The following FRMD4A variants were observed in gnomAD, a reference collection of about 807,000 sequenced individuals.
FRMD4A encodes the protein FERM domain containing 4A, also known as FERM domain-containing protein 4A.
In FRMD4A, 29 loss-of-function variants were observed where a neutral mutation model predicts 129.1. The observed-to-expected ratio is 0.22, with a 90% CI of 0.17 to 0.31. The LOEUF is 0.31. Among genes scored for constraint, FRMD4A ranks in the 10% least tolerant of loss-of-function variants. FRMD4A has a pLI of 1.00. For missense variants in FRMD4A, 1,272 were observed against 1,375.8 expected (o/e 0.92, Z 1.19); for synonymous variants, 634 against 571.6 (o/e 1.11, Z -1.56).
rs186624939 is a variant in FRMD4A at position 13,797,496 on chromosome 10, C to G, written c.207-908G>C. ...GGGAGGACCCCAGCGTCTTAGTGTC[C>G]TGTGAGTGGAAAGCCATGAGGCTAG... On this transcript the variant is annotated intron_variant, in intron 4 of 24. Transcript: ENST00000357447. 7.7e-3 allele frequency among the ~76,000 whole-genome samples: 1,166 copies of G among 152,236 alleles called. 14 individuals are homozygous for G. Among genetic ancestry groups the G allele is most frequent in the African/African-American group, 0.026 (1,088 of 41,532 alleles).
chr10:14,260,219 G>A (rs1262986574), intron 2 of FRMD4A, among the ~76,000 whole-genome samples: 1 of 152,144 alleles, frequency 6.6e-6, no homozygotes, highest in African/African-American at 2.4e-5. Flanking sequence ...TACAACCGCT[G>A]CATTCTCTCC....
In FRMD4A at chr10:13,657,195, C is replaced by G. The variant is rs565808375; in HGVS notation, c.2394G>C (p.Ser798=). The change falls in exon 22 of 25, where the codon TCG becomes TCC. Residue 798 remains serine (S), a synonymous_variant. Transcript: ENST00000357447. ...GCGCCGCCAGGTTGGGCATGCTGCC[C>G]GAGCTGGCTGAGCCCAGTGCGCCCG... The part of the protein sequence containing the change: ...RAAGALGSAS[S]GSMPNLAARG... 414 of 1,523,994 alleles carry G rather than the reference C, an allele frequency of 2.7e-4. 6 individuals are homozygous for G. In the East Asian group the frequency reaches 0.01, roughly 38 times the overall value. The allele number at this position is 1,523,994 out of a possible 1,614,324, so 94.4% of individuals were successfully genotyped here. A position where few individuals can be genotyped will look rare whatever the true frequency, so the allele number is the denominator to read the frequency against.
intron 2 of FRMD4A, among the ~76,000 whole-genome samples, chr10:14,035,985 T>C (rs1260217063): frequency 6.7e-6 from 1 of 148,518 alleles, no homozygotes; most frequent in Admixed American, 6.8e-5. Context: ...GAGGTTGCAG[T>C]GAGCCGACAT....
At chr10:14,190,444 TC>T (rs1842282598) in intron 2 of FRMD4A, among the ~76,000 whole-genome samples, 1 of 152,200 alleles carries the variant, frequency 6.6e-6, no homozygotes, top group East Asian at 1.9e-4. Flanking sequence ...CCATCATAGC[TC>T]ACTGCAGCCT....
chr10:13,894,038 C>T (rs1352008633), intron 2 of FRMD4A, among the ~76,000 whole-genome samples: 2 of 152,146 alleles, frequency 1.3e-5, no homozygotes, highest in African/African-American at 4.8e-5. Context: ...GCTCATTTCC[C>T]TCCCTCCTTT....
At chr10:13,732,754 C>T (rs550892231) in intron 12 of FRMD4A, among the ~76,000 whole-genome samples, 1 of 152,318 alleles carries the variant, frequency 6.6e-6, no homozygotes, top group Admixed American at 6.5e-5. Flanking sequence ...CCCTGGAGTG[C>T]CACCCCTCCC....
At chr10:14,070,806 G>A (rs1435679403) in intron 2 of FRMD4A, among the ~76,000 whole-genome samples, 2 of 152,172 alleles carry the variant, frequency 1.3e-5, no homozygotes, top group African/African-American at 4.8e-5. Context: ...TGCAAACACT[G>A]TTCATACTGA....
chr10:13,690,733 T>A lies in FRMD4A; in HGVS notation c.1117+3165A>T, dbSNP rs551572013. 3.3e-5 allele frequency among the ~76,000 whole-genome samples: 5 copies of A among 152,342 alleles called. No individual in the cohort carries two copies. The East Asian group carries it at 9.7e-4, about 29-fold the overall frequency. On this transcript the variant is annotated intron_variant, in intron 15 of 24. Transcript: ENST00000357447. ...CTGAAGCTGACAATGGGAGCCGCTC[T>A]GCAAGTGGCCCCAGCTGCTACTACT...
rs560754206 is a variant in FRMD4A, at chr10:14,313,137, G to A, written c.45+16921C>T. 3.3e-5 allele frequency among the ~76,000 whole-genome samples: 5 copies of A among 151,918 alleles called. No individual in the cohort carries two copies. In the East Asian group the frequency reaches 9.8e-4, roughly 30 times the overall value. ...GGAGGCTGACATGGTAGAACCACTT[G>A]AGCCCAGGAGTTCCTGACCAGCTTG... On this transcript the variant is annotated intron_variant, in intron 2 of 24. Coordinates refer to ENST00000357447, the MANE Select transcript of FRMD4A (RefSeq NM_018027.5).
At chr10:13,871,275 T>C (rs972206772) in intron 2 of FRMD4A, 1 of 154,396 alleles carries the variant, frequency 6.5e-6, no homozygotes, top group African/African-American at 2.4e-5. Flanking sequence ...TATACACAAA[T>C]GCACGGGGCT....
intron 3 of FRMD4A, among the ~76,000 whole-genome samples, chr10:13,841,240 G>A (rs982842344): frequency 2.0e-5 from 3 of 152,178 alleles, no homozygotes; most frequent in Admixed American, 6.5e-5. Context: ...CTGGATGCCT[G>A]CACCATTAGC....
chr10:14,169,320 T>C (rs953537065), intron 2 of FRMD4A, among the ~76,000 whole-genome samples: 2 of 152,126 alleles, frequency 1.3e-5, no homozygotes, highest in African/African-American at 4.8e-5. Context: ...TTATTTACCA[T>C]CCCTAGTGTA....
chr10:13,825,018 A>C (rs2093681187), intron 3 of FRMD4A, among the ~76,000 whole-genome samples: 1 of 152,090 alleles, frequency 6.6e-6, no homozygotes, highest in African/African-American at 2.4e-5. Context: ...CCTGGGGGAC[A>C]CTTTCCAAGA....
In FRMD4A at chr10:13,659,308, G is replaced by A; in HGVS notation, c.2066+15C>T. 2 of 1,611,168 alleles carry A rather than the reference G, an allele frequency of 1.2e-6. No homozygotes were observed. Among genetic ancestry groups the A allele is most frequent in the Non-Finnish European group, 1.7e-6 (2 of 1,177,226 alleles). On this transcript the variant is annotated intron_variant, in intron 21 of 24. Transcript: ENST00000357447. ...AGGAAGGCTTGGTCTGAGCAGGAAGGCCAGGCAGACTCACCTCGTGGAATG... is the reference window on the plus strand; with the variant it reads ...AGGAAGGCTTGGTCTGAGCAGGAAGACCAGGCAGACTCACCTCGTGGAATG...
chr10:13,898,901 A>T (rs1472939436), intron 2 of FRMD4A, among the ~76,000 whole-genome samples: 3 of 152,042 alleles, frequency 2.0e-5, no homozygotes, highest in African/African-American at 4.8e-5. Flanking sequence ...TGAGCCTGGG[A>T]GCTGGGCACA....
At chr10:14,102,088 A>G (rs1837335767) in intron 2 of FRMD4A, among the ~76,000 whole-genome samples, 1 of 152,186 alleles carries the variant, frequency 6.6e-6, no homozygotes, top group African/African-American at 2.4e-5. Context: ...GATGCAAAGG[A>G]GCTCAGAAAA....
At chr10:13,905,811 G>A (rs939056036) in intron 2 of FRMD4A, among the ~76,000 whole-genome samples, 6 of 152,242 alleles carry the variant, frequency 3.9e-5, no homozygotes, top group Middle Eastern at 3.4e-3. Context: ...CGTTTTTTCC[G>A]TCATGGCTTA....
At chr10:14,019,683 A>G (rs77594959) in intron 2 of FRMD4A, among the ~76,000 whole-genome samples, 3,166 of 152,300 alleles carry the variant, frequency 0.021, 113 homozygotes, top group African/African-American at 0.073. Context: ...AAACAGAAGG[A>G]TCAATATAAA....
Position 13,657,370 on chromosome 10 carries a change from C to T in FRMD4A, c.2219G>A (p.Gly740Asp). 6.2e-7 allele frequency: 1 copy of T among 1,612,010 alleles called. No individual in the cohort carries two copies. Among genetic ancestry groups the T allele is most frequent in the Non-Finnish European group, 8.5e-7 (1 of 1,179,758 alleles). Residue 740 changes from glycine to aspartate, a missense_variant, in exon 22 of 25, where the codon GGC becomes GAC. By Grantham distance (94) the Gly-to-Asp change is moderately conservative (BLOSUM62 -1). Transcript: ENST00000357447. ...CGAGCAGTCGTCCATGGGGTCTGAGCCGTTGCTGCTACGAGTCCGCGGGGT... is the reference window on the plus strand; with the variant it reads ...CGAGCAGTCGTCCATGGGGTCTGAGTCGTTGCTGCTACGAGTCCGCGGGGT... ...FYTPRTRSSN[G>D]SDPMDDCSSC...
Sources: allele counts gnomAD v4.1 joint callset (sites outside exome capture counted in the v4.1 genomes callset), GRCh38; gene constraint gnomAD v4.1.1; transcripts MANE v1.5; gene names NCBI Gene and HGNC (gene_info 2026-07-23, HGNC 2026-07-21).